DLGAP2: variants seen among roughly 807,000 people sequenced by gnomAD.
DLGAP2 encodes the protein DLG associated protein 2.
Under a neutral mutation model 100.3 loss-of-function variants are expected in DLGAP2, and 26 were observed. The observed-to-expected ratio is 0.26, with a 90% CI of 0.19 to 0.36. DLGAP2 has a LOEUF of 0.36. Ranked by LOEUF, DLGAP2 falls within the 10% of genes least tolerant of loss-of-function variation. The probability of loss-of-function intolerance (pLI) is 1.00; values close to 1 mark genes in which losing one functional copy is unlikely to be tolerated. For missense variants in DLGAP2, 1,858 were observed against 1,453.2 expected, an observed-to-expected ratio of 1.28 and a Z score of -4.53; for synonymous variants, 886 against 630.1, an observed-to-expected ratio of 1.41 and a Z score of -6.08.
At chr8:975,666 GC>G (rs1478883512) in intron 2 of DLGAP2, among the ~76,000 whole-genome samples, 1 of 152,148 alleles carries the variant, frequency 6.6e-6, no homozygotes, top group African/African-American at 2.4e-5. Context: ...AAAAGCATTT[GC>G]CAAAACCCAG....
chr8:793,169 G>A (rs1321172479), intron 1 of DLGAP2, among the ~76,000 whole-genome samples: 2 of 152,268 alleles, frequency 1.3e-5, no homozygotes, highest in East Asian at 1.9e-4. Flanking sequence ...ATCTTCTAGA[G>A]AGTCTCTTTG....
In DLGAP2 at chr8:1,626,221, ACGGCTGTTCC is replaced by A. The variant is rs1563265139; in HGVS notation, c.1443-517_1443-508del. Among the ~76,000 whole-genome samples, 66 of 138,170 alleles carry A rather than the reference ACGGCTGTTCC, an allele frequency of 4.8e-4. 10 individuals carry two copies. Among genetic ancestry groups the A allele is most frequent in the African/African-American group, 1.9e-3 (65 of 34,944 alleles). 90.6% of individuals were successfully genotyped at this position (138,170 alleles called of 152,430 possible). ...TGCTCAGCCTCTGGGTGTGGGTTGGACGGCTGTTCCCATCTCTACCCTGCAGCGGGTGCTC... is the reference window on the plus strand; with the variant it reads ...TGCTCAGCCTCTGGGTGTGGGTTGGACATCTCTACCCTGCAGCGGGTGCTC... On this transcript the variant is annotated intron_variant, in intron 6 of 14. Transcript: ENST00000637795.
intron 2 of DLGAP2, chr8:1,032,621 A>G (rs1802007906): frequency 6.6e-6 from 1 of 152,188 alleles, no homozygotes; most frequent in South Asian, 2.1e-4. Context: ...CCATGCCCTA[A>G]AAGTGAGATG....
At chr8:1,318,923 A>C (rs1800831332) in intron 3 of DLGAP2, among the ~76,000 whole-genome samples, 1 of 151,912 alleles carries the variant, frequency 6.6e-6, no homozygotes, top group African/African-American at 2.4e-5. Context: ...TTTAGGATTA[A>C]CTCAAAACGC....
intron 3 of DLGAP2, chr8:1,369,163 A>G (rs894644640): frequency 3.9e-5 from 6 of 152,194 alleles, no homozygotes; most frequent in Non-Finnish European, 2.9e-5. Flanking sequence ...GCTTTTGATC[A>G]AAGCTTTCAA....
chr8:1,680,681 C>T (rs1798923566), intron 12 of DLGAP2: 1 of 152,256 alleles, frequency 6.6e-6, no homozygotes. Context: ...GTTTGCATTT[C>T]TCATGGTTAG....
chr8:1,372,295 C>T (rs993690252), intron 3 of DLGAP2, among the ~76,000 whole-genome samples: 2 of 152,154 alleles, frequency 1.3e-5, no homozygotes, highest in African/African-American at 4.8e-5. Context: ...CACCGTGCTG[C>T]CAACGCTGGG....
At chr8:1,130,705 C>G (rs1446923258) in intron 2 of DLGAP2, among the ~76,000 whole-genome samples, 2 of 152,236 alleles carry the variant, frequency 1.3e-5, no homozygotes, top group African/African-American at 2.4e-5. Context: ...CTCTTCCTCC[C>G]AGGCAGGGCG....
chr8:1,291,043 A>G (rs1020842377), intron 3 of DLGAP2, among the ~76,000 whole-genome samples: 8 of 152,304 alleles, frequency 5.3e-5, no homozygotes, highest in South Asian at 2.1e-4. Flanking sequence ...CAAAAGGTCT[A>G]TAGGCACCAG....
chr8:909,317 C>T (rs1798439721), intron 2 of DLGAP2, among the ~76,000 whole-genome samples: 1 of 152,162 alleles, frequency 6.6e-6, no homozygotes, highest in African/African-American at 2.4e-5. Context: ...CAGCATCACA[C>T]AATTTTTTAA....
At chr8:1,355,743 C>T (rs1801833680) in intron 3 of DLGAP2, among the ~76,000 whole-genome samples, 2 of 152,152 alleles carry the variant, frequency 1.3e-5, no homozygotes, top group African/African-American at 4.8e-5. Context: ...AAGACTGGTC[C>T]TGTCCCTGTG....
intron 12 of DLGAP2, among the ~76,000 whole-genome samples, chr8:1,684,998 A>G (rs1799077986): frequency 6.6e-6 from 1 of 152,132 alleles, no homozygotes; most frequent in Non-Finnish European, 1.5e-5. Flanking sequence ...CAAGGCAAAC[A>G]CTAATGCTGG....
chr8:1,224,531 C>G (rs1028408514), intron 2 of DLGAP2, among the ~76,000 whole-genome samples: 16 of 151,268 alleles, frequency 1.1e-4, no homozygotes, highest in African/African-American at 3.2e-4. Context: ...ATATAGAATA[C>G]AAAAAATGAT....
intron 8 of DLGAP2, among the ~76,000 whole-genome samples, chr8:1,654,928 G>A (rs1563043558): frequency 6.6e-6 from 1 of 152,172 alleles, no homozygotes; most frequent in Admixed American, 6.5e-5. Flanking sequence ...TGCATTCTCA[G>A]TGTTCTTCAG....
At chr8:1,630,557 C>T (rs905958276) in intron 7 of DLGAP2, among the ~76,000 whole-genome samples, 2 of 152,032 alleles carry the variant, frequency 1.3e-5, no homozygotes, top group Admixed American at 6.5e-5. Context: ...AAAAAATTAG[C>T]TGGGCATGGT....
chr8:1,343,446 T>C (rs1053549999), intron 3 of DLGAP2, among the ~76,000 whole-genome samples: 4 of 152,148 alleles, frequency 2.6e-5, no homozygotes, highest in Non-Finnish European at 5.9e-5. Context: ...CCCAAGTGAC[T>C]GAGCCTAGAT....
At chr8:1,243,331 C>T (rs1387174570) in intron 2 of DLGAP2, among the ~76,000 whole-genome samples, 2 of 152,130 alleles carry the variant, frequency 1.3e-5, no homozygotes, top group African/African-American at 4.8e-5. Context: ...GAGGTCTTGG[C>T]ACCTCAGTAA....
At chr8:1,376,383 A>T (rs1802388540) in intron 3 of DLGAP2, among the ~76,000 whole-genome samples, 1 of 152,232 alleles carries the variant, frequency 6.6e-6, no homozygotes, top group African/African-American at 2.4e-5. Context: ...GCCTGCAGAG[A>T]GAGGAGCTTC....
intron 2 of DLGAP2, among the ~76,000 whole-genome samples, chr8:1,087,679 TA>T (rs1374981162): frequency 3.9e-5 from 6 of 152,162 alleles, no homozygotes; most frequent in African/African-American, 1.4e-4. Flanking sequence ...AGCTAAATGG[TA>T]GTCTTGATGC....
Sources: allele counts gnomAD v4.1 joint callset (sites outside exome capture counted in the v4.1 genomes callset), GRCh38; gene constraint gnomAD v4.1.1; transcripts MANE v1.5; gene names NCBI Gene and HGNC (gene_info 2026-07-23, HGNC 2026-07-21).